Variants in CPS1 observed in about 807,000 individuals in gnomAD.
CPS1 encodes the protein carbamoyl-phosphate synthase [ammonia], mitochondrial.
Under a neutral mutation model 174.6 loss-of-function variants are expected in CPS1, and 109 were observed. The observed-to-expected ratio is 0.62, with a 90% confidence interval of 0.53 to 0.73. The LOEUF is 0.73. CPS1 is among the 30% of genes least tolerant of loss of function. The pLI, the probability that CPS1 is intolerant of heterozygous loss-of-function variation, is 0.00. For missense variants in CPS1, 1,689 were observed against 1,821.9 expected, an observed-to-expected ratio of 0.93 and a Z score of 1.33; for synonymous variants, 637 against 632.0, an observed-to-expected ratio of 1.01 and a Z score of -0.12.
chr2:210,660,241 T>A (rs1419201060), intron 31 of CPS1, among the ~76,000 whole-genome samples: 1 of 152,100 alleles, frequency 6.6e-6, no homozygotes, highest in Non-Finnish European at 1.5e-5. Context: ...TGCATTAAAC[T>A]AAACCTGTCA....
chr2:210,504,853 G>A (rs1695235909), intron 1 of CPS1, among the ~76,000 whole-genome samples: 1 of 152,122 alleles, frequency 6.6e-6, no homozygotes, highest in South Asian at 2.1e-4. Flanking sequence ...TTGTGACTGG[G>A]ATCATTTAGT....
chr2:210,582,566 A>C (rs764895682), intron 5 of CPS1, 51 bp from the exon 6 acceptor site: 1 of 1,378,092 alleles, frequency 7.3e-7, no homozygotes, highest in South Asian at 1.2e-5. Flanking sequence ...TATCTTGTCA[A>C]CACCTTTATC....
At chr2:210,521,938 CT>C (rs1368723429) in intron 1 of CPS1, among the ~76,000 whole-genome samples, 1 of 151,900 alleles carries the variant, frequency 6.6e-6, no homozygotes, top group Non-Finnish European at 1.5e-5. Context: ...CAGCTAATTA[CT>C]TGGTAACAGT....
In CPS1 at chr2:210,576,499, A is replaced by G. The variant is rs1447837168; in HGVS notation, c.381+9A>G. On this transcript the variant is annotated intron_variant, in intron 3 of 37. Coordinates refer to ENST00000233072, the MANE Select transcript of CPS1 (RefSeq NM_001875.5). ...AGTCTAATGGAATCAAGGTAGTACC[A>G]GTGGTGGCCATTTAAAAAGTCTCAA... 6.2e-7 allele frequency: 1 copy of G among 1,613,412 alleles called. No homozygotes were observed. Among genetic ancestry groups the G allele is most frequent in the East Asian group, 2.2e-5 (1 of 44,842 alleles).
Position 210,658,683 on chromosome 2 carries a change from G to A in CPS1, c.3751G>A (p.Val1251Ile), listed in dbSNP as rs752256583. ...CCAATTTCTTGTCAAAGGAAATGAT[G>A]TCTTGGTAAGAAATGCCAAGGTGCC... The part of the protein sequence containing the change: ...NVQFLVKGND[V>I]LVIECNLRAS... The change falls in exon 31 of 38, where the codon GTC (valine) becomes ATC (isoleucine). Residue 1251 changes from valine to isoleucine, a missense_variant. By Grantham distance (29) the Val-to-Ile change is conservative. Coordinates refer to ENST00000233072, the MANE Select transcript of CPS1 (RefSeq NM_001875.5). The A allele has an allele frequency of 6.2e-7, 1 of 1,612,764 alleles. No individual in the cohort carries two copies. The highest frequency in any genetic ancestry group is 8.5e-7 in the Non-Finnish European group (1 of 1,178,796).
chr2:210,537,022 A>C (rs1696273825), intron 1 of CPS1, among the ~76,000 whole-genome samples: 1 of 152,200 alleles, frequency 6.6e-6, no homozygotes, highest in African/African-American at 2.4e-5. Context: ...AACCAAAAAG[A>C]TATAAAGTCC....
At chr2:210,606,611 A>G (rs1268349949) in intron 17 of CPS1, 120 bp from the exon 18 acceptor site, 4 of 907,214 alleles carry the variant, frequency 4.4e-6, no homozygotes, top group Non-Finnish European at 7.1e-6. Flanking sequence ...GATATCACAT[A>G]TATATCCCAA....
rs3060375 is a variant in CPS1 at position 210,525,806 on chromosome 2, GGA to G, written c.4-30893_4-30892del. 2.8e-3 allele frequency among the ~76,000 whole-genome samples: 408 copies of G among 144,164 alleles called. 2 individuals carry two copies. The highest frequency in any genetic ancestry group is 9.1e-3 in the African/African-American group (351 of 38,630). 94.6% of individuals were successfully genotyped at this position (144,164 alleles called of 152,430 possible). On this transcript the variant is annotated intron_variant, in intron 1 of 38. Coordinates refer to the CPS1 transcript ENST00000430249. ...TAGTACATTCCAAGCAAAGTAAAAT[GGA>G]GAGAGAGAGAGAGAGAGAGGGAGAG...
At chr2:210,556,977 A>G in intron 1 of CPS1, 118 bp downstream of exon 1, 1 of 1,192,512 alleles carries the variant, frequency 8.4e-7, no homozygotes, top group Non-Finnish European at 1.2e-6. Context: ...GTACTAATGT[A>G]TTAATGTTTC....
chr2:210,608,737 A>G (rs1204531682), intron 19 of CPS1, among the ~76,000 whole-genome samples, 178 bp downstream of exon 19: 2 of 151,906 alleles, frequency 1.3e-5, no homozygotes, highest in African/African-American at 2.4e-5. Flanking sequence ...AACAGTCTCT[A>G]TGTGATTGTT....
chr2:210,623,427 T>G (rs929613254), intron 21 of CPS1, among the ~76,000 whole-genome samples: 1 of 142,608 alleles, frequency 7.0e-6, no homozygotes, highest in Admixed American at 6.8e-5. Context: ...TTTCATGTGG[T>G]TTTTTTTTGC....
chr2:210,604,143 C>G (rs572543062), intron 16 of CPS1, among the ~76,000 whole-genome samples: 1 of 151,806 alleles, frequency 6.6e-6, no homozygotes, highest in Non-Finnish European at 1.5e-5. Flanking sequence ...AGAACCTCAT[C>G]GTGGGCAGCT....
At chr2:210,517,284 G>A (rs1695706580) in intron 1 of CPS1, among the ~76,000 whole-genome samples, 2 of 151,934 alleles carry the variant, frequency 1.3e-5, no homozygotes, top group South Asian at 4.1e-4. Flanking sequence ...CTTTATTGGT[G>A]CATAATCTTC....
At chr2:210,524,026 T>C (rs1346228766) in intron 1 of CPS1, among the ~76,000 whole-genome samples, 1 of 152,030 alleles carries the variant, frequency 6.6e-6, no homozygotes, top group Admixed American at 6.6e-5. Flanking sequence ...TGGTATACCA[T>C]ATTAATAAAA....
chr2:210,668,133 G>A, intron 33 of CPS1, 53 bp from the exon 34 acceptor site: 1 of 1,208,892 alleles, frequency 8.3e-7, no homozygotes, highest in Non-Finnish European at 1.2e-6. Context: ...TGGTAGGAGT[G>A]GTTGACTATT....
chr2:210,505,505 C>T (rs1438665835), intron 1 of CPS1, among the ~76,000 whole-genome samples: 2 of 152,126 alleles, frequency 1.3e-5, no homozygotes, highest in African/African-American at 4.8e-5. Context: ...AACTGAGGTA[C>T]TGGGTTCATC....
intron 1 of CPS1, among the ~76,000 whole-genome samples, chr2:210,518,290 G>C (rs1211082755): frequency 6.6e-6 from 1 of 151,948 alleles, no homozygotes; most frequent in Non-Finnish European, 1.5e-5. Context: ...ATTTGTCCCA[G>C]GTATATTAGC....
intron 17 of CPS1, 91 bp from the exon 18 acceptor site, chr2:210,606,640 T>C: frequency 1.7e-6 from 2 of 1,162,112 alleles, no homozygotes; most frequent in South Asian, 1.2e-5. Flanking sequence ...CAGACTGTTC[T>C]ATGTCTTGCA....
chr2:210,604,143 C>T (rs572543062), intron 16 of CPS1, among the ~76,000 whole-genome samples: 6 of 151,806 alleles, frequency 4.0e-5, no homozygotes, highest in African/African-American at 1.2e-4. Context: ...AGAACCTCAT[C>T]GTGGGCAGCT....
Sources: gnomAD v4.1 joint callset for allele counts (sites outside exome capture counted in the v4.1 genomes callset) on GRCh38, gnomAD v4.1.1 for gene constraint, MANE v1.5 for transcripts, NCBI Gene and HGNC (gene_info 2026-07-23, HGNC 2026-07-21) for gene names.